The following CEP120 variants were observed in gnomAD, a reference collection of about 807,000 sequenced individuals.
The protein encoded by CEP120 is centrosomal protein 120, also known as centrosomal protein of 120 kDa.
In CEP120, 113 loss-of-function variants were observed where a neutral mutation model predicts 126.5. The ratio of observed to expected loss-of-function variants is 0.89; its 90% confidence interval spans 0.77 to 1.04. The LOEUF (loss-of-function observed/expected upper bound fraction) is 1.04, where lower values mean the gene tolerates loss of function less well. CEP120 is among the 50% of genes least tolerant of loss of function. CEP120 has a pLI of 0.00. For missense variants in CEP120, 1,230 were observed against 1,155.7 expected (o/e 1.06, Z -0.93); for synonymous variants, 400 against 394.3 (o/e 1.01, Z -0.17).
intron 4 of CEP120, chr5:123,400,858 C>G: frequency 9.7e-7 from 1 of 1,032,746 alleles, no homozygotes; most frequent in Non-Finnish European, 1.5e-6. Flanking sequence ...GCATAGTGAC[C>G]TCCCTCCCAG....
chr5:123,356,297 G>GT (rs1769617195), intron 18 of CEP120, among the ~76,000 whole-genome samples: 1 of 152,056 alleles, frequency 6.6e-6, no homozygotes, highest in Admixed American at 6.6e-5. Flanking sequence ...CTTTAAAGTA[G>GT]TTTTTTCCAA....
intron 11 of CEP120, among the ~76,000 whole-genome samples, chr5:123,384,645 T>G (rs1771897660): frequency 6.6e-6 from 1 of 152,126 alleles, no homozygotes; most frequent in East Asian, 1.9e-4. Context: ...AATAAAAAAA[T>G]AGATCCTGCA....
At chr5:123,400,501 G>A (rs78663110) in intron 4 of CEP120, among the ~76,000 whole-genome samples, 1 of 151,970 alleles carries the variant, frequency 6.6e-6, no homozygotes. Flanking sequence ...ATGAAAACTA[G>A]AATCTTGCGG....
chr5:123,359,367 AT>A (rs1418940177), intron 18 of CEP120, among the ~76,000 whole-genome samples: 4 of 152,034 alleles, frequency 2.6e-5, no homozygotes, highest in Non-Finnish European at 4.4e-5. Context: ...TGCTTCATTT[AT>A]TTTTTAAAAA....
chr5:123,346,336 C>A lies in CEP120; in HGVS notation c.*183G>T. 4 of 450,146 alleles carry A rather than the reference C, an allele frequency of 8.9e-6. No homozygotes were observed. Among genetic ancestry groups the A allele is most frequent in the South Asian group, 5.5e-5 (1 of 18,180 alleles). The allele number at this position is 450,146 out of a possible 1,614,324, so 27.9% of individuals were successfully genotyped here. ...TATAAATGCAAATTACAAATAAAAC[C>A]AGTGTGGGAGAGGTAGCATAAAGTA... On this transcript the variant is annotated 3_prime_UTR_variant, in exon 20 of 20. Coordinates refer to ENST00000306467, the MANE Select transcript of CEP120 (RefSeq NM_001375405.1).
chr5:123,388,586 A>G lies in CEP120; in HGVS notation c.1276T>C (p.Ser426Pro), dbSNP rs1020153671. ...NPKASSSVPASLAQLVTTSNA... is the reference protein window; with the variant it reads ...NPKASSSVPAPLAQLVTTSNA... ...GATGTAGTCACTAGCTGGGCCAGTG[A>G]AGCAGGTACAGAAGAACTGGCTGAA... is the stretch of plus-strand genomic sequence containing the variant. The change falls in exon 9 of 20, where the codon TCA (serine) becomes CCA (proline). Residue 426 changes from serine (S) to proline (P), a missense_variant. By Grantham distance (74) the Ser-to-Pro change is moderately conservative. Transcript: ENST00000306467. 6.3e-7 allele frequency: 1 copy of G among 1,585,222 alleles called. No individual in the cohort carries two copies. Among genetic ancestry groups the G allele is most frequent in the Non-Finnish European group, 8.5e-7 (1 of 1,170,284 alleles).
At chr5:123,349,310 T>C (rs185509215) in intron 19 of CEP120, among the ~76,000 whole-genome samples, 1 of 152,104 alleles carries the variant, frequency 6.6e-6, no homozygotes, top group East Asian at 1.9e-4. Context: ...ATCTTGAAAA[T>C]GGTGAAAATA....
chr5:123,355,952 G>C (rs1400539944), intron 18 of CEP120, among the ~76,000 whole-genome samples: 1 of 151,320 alleles, frequency 6.6e-6, no homozygotes, highest in Middle Eastern at 3.2e-3. Flanking sequence ...ATTAATTTTT[G>C]TATAAGGTGT....
At chr5:123,405,346 C>T (rs181724378) in intron 4 of CEP120, among the ~76,000 whole-genome samples, 45 of 152,316 alleles carry the variant, frequency 3.0e-4, no homozygotes, top group Middle Eastern at 3.4e-3. Flanking sequence ...ACCAGGTCCT[C>T]ACAGTGAATA....
At chr5:123,370,671 ATG>A (rs528627254) in intron 17 of CEP120, among the ~76,000 whole-genome samples, 3 of 89,244 alleles carry the variant, frequency 3.4e-5, no homozygotes, top group African/African-American at 8.2e-5. Context: ...ATATACATAT[ATG>A]TGTGTGTGTG....
chr5:123,418,882 C>T (rs986626421), intron 1 of CEP120, among the ~76,000 whole-genome samples: 1 of 152,114 alleles, frequency 6.6e-6, no homozygotes, highest in Non-Finnish European at 1.5e-5. Flanking sequence ...CATGCCCAGC[C>T]TAGCATGTGT....
chr5:123,374,307 G>A (rs374351057), intron 16 of CEP120, among the ~76,000 whole-genome samples: 141 of 152,080 alleles, frequency 9.3e-4, no homozygotes, highest in Middle Eastern at 3.4e-3. Context: ...AGTCAGTAGC[G>A]GGGCAAAAAC....
At chr5:123,413,746 AT>A (rs1270962844) in intron 3 of CEP120, among the ~76,000 whole-genome samples, 2 of 152,252 alleles carry the variant, frequency 1.3e-5, no homozygotes, top group Admixed American at 6.5e-5. Context: ...AAAGCTTTAA[AT>A]AAAAATCAAC....
Position 123,423,277 on chromosome 5 carries a change from G to A in CEP120, c.-279C>T. On this transcript the variant is annotated 5_prime_UTR_variant, in exon 1 of 20. Coordinates refer to ENST00000306467, the MANE Select transcript of CEP120 (RefSeq NM_001375405.1). ...AAGCAGAGACAAGCCCGCCACCCGA[G>A]GACCTTTTGCCGCCTGCGTAGCCGC... The A allele has an allele frequency of 2.1e-6, 1 of 475,494 alleles. No individual in the cohort carries two copies. Among genetic ancestry groups the A allele is most frequent in the Non-Finnish European group, 3.7e-6 (1 of 267,690 alleles). The allele number at this position is 475,494 out of a possible 1,614,324, so 29.5% of individuals were successfully genotyped here.
chr5:123,415,094 G>C (rs1247883263), intron 3 of CEP120, among the ~76,000 whole-genome samples: 1 of 151,586 alleles, frequency 6.6e-6, no homozygotes, highest in Non-Finnish European at 1.5e-5. Flanking sequence ...GGGGGGCAGA[G>C]AGGTACTGGT....
chr5:123,381,864 T>C (rs1771671995), intron 14 of CEP120, among the ~76,000 whole-genome samples: 1 of 151,900 alleles, frequency 6.6e-6, no homozygotes, highest in African/African-American at 2.4e-5. Flanking sequence ...ATTACAGGTG[T>C]GAGCAACCAT....
chr5:123,410,717 A>G (rs544450325), intron 4 of CEP120, among the ~76,000 whole-genome samples: 7 of 152,360 alleles, frequency 4.6e-5, no homozygotes, highest in African/African-American at 1.4e-4. Context: ...GTAAACTGCA[A>G]AACTATAAAA....
chr5:123,395,734 T>G (rs1160195775), intron 5 of CEP120, among the ~76,000 whole-genome samples: 2 of 148,380 alleles, frequency 1.3e-5, no homozygotes, highest in Non-Finnish European at 3.0e-5. Flanking sequence ...CAGGCTCGAG[T>G]GCAGTCGCAT....
chr5:123,354,207 T>A (rs1769402160), intron 18 of CEP120, among the ~76,000 whole-genome samples: 1 of 152,134 alleles, frequency 6.6e-6, no homozygotes, highest in Non-Finnish European at 1.5e-5. Flanking sequence ...ATTCACTCAT[T>A]TGGGGACATT....
Sources: allele counts gnomAD v4.1 joint callset (sites outside exome capture counted in the v4.1 genomes callset), GRCh38; gene constraint gnomAD v4.1.1; transcripts MANE v1.5; gene names NCBI Gene and HGNC (gene_info 2026-07-23, HGNC 2026-07-21).